The following LSAMP variants were observed in gnomAD, a reference collection of about 807,000 sequenced individuals.
LSAMP encodes limbic system associated membrane protein, also known as limbic system-associated membrane protein.
A neutral mutation model predicts 38.6 loss-of-function variants in LSAMP; 7 were observed. The ratio of observed to expected loss-of-function variants is 0.18; its 90% CI spans 0.10 to 0.34. LSAMP has a LOEUF of 0.34. LSAMP is among the 10% of genes least tolerant of loss of function. LSAMP has a pLI of 1.00. For missense variants in LSAMP, 313 were observed against 420.0 expected, an observed-to-expected ratio of 0.75 and a Z score of 2.23; for synonymous variants, 154 against 166.8, an observed-to-expected ratio of 0.92 and a Z score of 0.59.
At chr3:116,323,747 A>G (rs1169459970) in intron 1 of LSAMP, among the ~76,000 whole-genome samples, 1 of 152,054 alleles carries the variant, frequency 6.6e-6, no homozygotes, top group Non-Finnish European at 1.5e-5. Context: ...TTCAACCTCT[A>G]ATCATGGCCC....
intron 1 of LSAMP, among the ~76,000 whole-genome samples, chr3:116,115,742 G>A (rs867090954): frequency 6.8e-6 from 1 of 147,728 alleles, no homozygotes; most frequent in Non-Finnish European, 1.5e-5. Context: ...ATAGAATTTT[G>A]AAGACATTTT....
intron 1 of LSAMP, among the ~76,000 whole-genome samples, chr3:116,158,773 C>T (rs976880099): frequency 6.6e-6 from 1 of 152,064 alleles, no homozygotes; most frequent in Non-Finnish European, 1.5e-5. Context: ...GGTCATACTG[C>T]CCGAAGCAAT....
chr3:116,292,478 T>A (rs1431870588), intron 1 of LSAMP, among the ~76,000 whole-genome samples: 1 of 152,100 alleles, frequency 6.6e-6, no homozygotes, highest in East Asian at 1.9e-4. Flanking sequence ...GAAAATCAGG[T>A]CTCTAATCTG....
chr3:116,427,866 G>T (rs2049224684), intron 1 of LSAMP, among the ~76,000 whole-genome samples: 1 of 152,002 alleles, frequency 6.6e-6, no homozygotes, highest in Non-Finnish European at 1.5e-5. Context: ...TACCCTAATA[G>T]GAAAACAGCT....
chr3:116,024,787 G>T (rs545241075), intron 2 of LSAMP, among the ~76,000 whole-genome samples: 54 of 150,592 alleles, frequency 3.6e-4, no homozygotes, highest in African/African-American at 1.3e-3. Context: ...GAAGTAAAAT[G>T]TATTATTATT....
chr3:116,246,045 C>G (rs1259867911), intron 1 of LSAMP, among the ~76,000 whole-genome samples: 2 of 152,142 alleles, frequency 1.3e-5, no homozygotes, highest in Non-Finnish European at 2.9e-5. Context: ...CCAGTCCAAA[C>G]TCTTTACTTC....
intron 1 of LSAMP, among the ~76,000 whole-genome samples, chr3:116,173,652 C>G (rs1409610342): frequency 6.6e-6 from 1 of 151,796 alleles, no homozygotes; most frequent in African/African-American, 2.4e-5. Flanking sequence ...ATTTTGAAAC[C>G]CCAGAAATTT....
intron 1 of LSAMP, among the ~76,000 whole-genome samples, chr3:116,339,032 C>A (rs759140485): frequency 6.6e-6 from 1 of 151,940 alleles, no homozygotes; most frequent in Admixed American, 6.6e-5. Context: ...AGGAAGCTCT[C>A]AGGATTCTAC....
intron 1 of LSAMP, among the ~76,000 whole-genome samples, chr3:116,394,647 C>T (rs1225827123): frequency 6.6e-6 from 1 of 152,060 alleles, no homozygotes; most frequent in African/African-American, 2.4e-5. Context: ...GAAAGAAAAA[C>T]CACACACTGA....
Position 115,806,927 on chromosome 3 carries a change from T to G in LSAMP, c.*3390A>C, listed in dbSNP as rs1348003555. On this transcript the variant is annotated 3_prime_UTR_variant, in exon 7 of 7. Transcript: ENST00000490035. ...CTTCAGGAAGCACCCTGGGTCAAAG[T>G]CATTTCTGTTTTTGTTAACTGAAAG... is the stretch of plus-strand genomic sequence containing the variant. 6.6e-6 allele frequency: 1 copy of G among 152,206 alleles called. No individual in the cohort carries two copies. Among genetic ancestry groups the G allele is most frequent in the Non-Finnish European group, 1.5e-5 (1 of 68,040 alleles). The allele number at this position is 152,206 out of a possible 1,614,324, so 9.4% of individuals were successfully genotyped here.
chr3:116,090,225 AGAAAG>A (rs1708089882), intron 1 of LSAMP, among the ~76,000 whole-genome samples: 1 of 150,808 alleles, frequency 6.6e-6, no homozygotes. Context: ...AAAAAAAAAA[AGAAAG>A]AGAAAGAAAA....
Position 116,359,557 on chromosome 3 carries a change from T to C in LSAMP, c.155+85320A>G, listed in dbSNP as rs546823362. Among the ~76,000 whole-genome samples the C allele has an allele frequency of 5.3e-5, 8 of 152,344 alleles. No homozygotes were observed. In the East Asian group the frequency reaches 1.3e-3, roughly 26 times the overall value. ...CCCTGGACAACAACCTGCAGTTTAA[T>C]TGGAGTAAACTTTTTATTTTTATTT... On this transcript the variant is annotated intron_variant, in intron 1 of 6. Transcript: ENST00000490035.
chr3:116,123,514 AACAATT>A (rs1390097099), intron 1 of LSAMP, among the ~76,000 whole-genome samples: 17 of 152,240 alleles, frequency 1.1e-4, no homozygotes, highest in Non-Finnish European at 4.4e-5. Flanking sequence ...TGGGTTGAAA[AACAATT>A]ACAAATTGAC....
At chr3:115,932,927 G>T (rs1937604518) in intron 3 of LSAMP, among the ~76,000 whole-genome samples, 1 of 152,202 alleles carries the variant, frequency 6.6e-6, no homozygotes. Context: ...TGAACAGTGG[G>T]TACGCAGTGG....
intron 1 of LSAMP, among the ~76,000 whole-genome samples, chr3:116,159,324 T>C (rs148742816): frequency 7.8e-4 from 118 of 152,182 alleles, no homozygotes; most frequent in African/African-American, 2.7e-3. Context: ...AGACAACCTA[T>C]AGAATGGGAG....
intron 2 of LSAMP, among the ~76,000 whole-genome samples, chr3:116,035,875 C>T (rs1941034203): frequency 6.6e-6 from 1 of 152,232 alleles, no homozygotes; most frequent in Non-Finnish European, 1.5e-5. Flanking sequence ...TCTCCAACCT[C>T]TTGGGGTTCC....
At chr3:115,952,890 A>C (rs896285163) in intron 3 of LSAMP, among the ~76,000 whole-genome samples, 1 of 152,216 alleles carries the variant, frequency 6.6e-6, no homozygotes, top group African/African-American at 2.4e-5. Context: ...TAATAGTAAA[A>C]ATAATTACTG....
At chr3:115,831,449 AT>A (rs1219843435) in intron 6 of LSAMP, among the ~76,000 whole-genome samples, 2 of 152,026 alleles carry the variant, frequency 1.3e-5, no homozygotes, top group African/African-American at 2.4e-5. Flanking sequence ...CGTCTTTTTA[AT>A]TTTCTGAGGC....
At chr3:116,214,825 T>A (rs926020107) in intron 1 of LSAMP, among the ~76,000 whole-genome samples, 2 of 152,006 alleles carry the variant, frequency 1.3e-5, no homozygotes, top group African/African-American at 4.8e-5. Context: ...TTAAAACATA[T>A]GAAGGAGCCA....
Sources: gnomAD v4.1 joint callset for allele counts (sites outside exome capture counted in the v4.1 genomes callset) on GRCh38, gnomAD v4.1.1 for gene constraint, MANE v1.5 for transcripts, NCBI Gene and HGNC (gene_info 2026-07-23, HGNC 2026-07-21) for gene names.